Variants in SLC10A7 observed in about 807,000 individuals in gnomAD.
SLC10A7 encodes the protein sodium/bile acid cotransporter 7.
Under a neutral mutation model 43.2 loss-of-function variants are expected in SLC10A7, and 29 were observed. The observed-to-expected ratio is 0.67, with a 90% CI of 0.50 to 0.92. The LOEUF is 0.92. SLC10A7 is among the 40% of genes least tolerant of loss of function. SLC10A7 has a pLI of 0.00. For missense variants in SLC10A7, 295 were observed against 403.2 expected (o/e 0.73, Z 2.30); for synonymous variants, 152 against 144.8 (o/e 1.05, Z -0.35).
intron 10 of SLC10A7, among the ~76,000 whole-genome samples, chr4:146,277,780 C>A (rs1027787494): frequency 2.6e-5 from 4 of 151,994 alleles, no homozygotes; most frequent in Non-Finnish European, 5.9e-5. Context: ...GGAGTGCAGA[C>A]AGTGTTGCCT....
chr4:146,519,324 T>A (rs1403430330), intron 1 of SLC10A7, among the ~76,000 whole-genome samples: 1 of 144,948 alleles, frequency 6.9e-6, no homozygotes, highest in Non-Finnish European at 1.5e-5. Flanking sequence ...ATACATTATT[T>A]AACATAATAT....
chr4:146,437,007 G>C (rs192708380), intron 5 of SLC10A7, among the ~76,000 whole-genome samples: 211 of 152,160 alleles, frequency 1.4e-3, no homozygotes, highest in African/African-American at 4.7e-3. Context: ...GGAAAGCACT[G>C]CATTGAAGAC....
intron 5 of SLC10A7, among the ~76,000 whole-genome samples, chr4:146,365,096 C>T (rs963133240): frequency 1.3e-5 from 2 of 152,014 alleles, no homozygotes; most frequent in African/African-American, 4.8e-5. Context: ...TCAAAGAAAT[C>T]TGAAATTCTA....
chr4:146,273,837 C>A (rs543463351), intron 10 of SLC10A7, among the ~76,000 whole-genome samples: 5 of 152,038 alleles, frequency 3.3e-5, no homozygotes, highest in Non-Finnish European at 5.9e-5. Flanking sequence ...TCCCACTGGC[C>A]TCATCTGTTT....
chr4:146,394,149 G>A (rs773332904), intron 5 of SLC10A7, among the ~76,000 whole-genome samples: 2 of 152,078 alleles, frequency 1.3e-5, no homozygotes, highest in Non-Finnish European at 2.9e-5. Flanking sequence ...CAATATCACC[G>A]ACTCTGGGGA....
chr4:146,388,087 G>A (rs1345178565), intron 5 of SLC10A7, among the ~76,000 whole-genome samples: 1 of 152,042 alleles, frequency 6.6e-6, no homozygotes, highest in Admixed American at 6.5e-5. Context: ...AAAATTCACA[G>A]GGAACTAAAA....
At chr4:146,325,445 A>C (rs1236494667) in intron 6 of SLC10A7, among the ~76,000 whole-genome samples, 1 of 152,168 alleles carries the variant, frequency 6.6e-6, no homozygotes, top group African/African-American at 2.4e-5. Flanking sequence ...TTAATTTTTA[A>C]AGCACCTTTC....
chr4:146,471,264 T>C (rs6828042), intron 4 of SLC10A7, among the ~76,000 whole-genome samples: 78,049 of 151,926 alleles, frequency 0.51, 20,697 homozygotes, highest in East Asian at 0.75. Context: ...AATAGTTACA[T>C]ACATAGGGAC....
intron 5 of SLC10A7, among the ~76,000 whole-genome samples, chr4:146,413,496 T>C (rs1343343658): frequency 5.9e-5 from 9 of 152,176 alleles, no homozygotes; most frequent in African/African-American, 2.2e-4. Context: ...TCCTGCTTTC[T>C]ATTTTCAGTA....
chr4:146,259,037 A>T (rs923704769), intron 10 of SLC10A7, among the ~76,000 whole-genome samples, 200 bp from the exon 11 acceptor site: 1 of 152,216 alleles, frequency 6.6e-6, no homozygotes, highest in African/African-American at 2.4e-5. Context: ...TCTAACTAGG[A>T]TAAGGTGGAA....
intron 5 of SLC10A7, among the ~76,000 whole-genome samples, chr4:146,426,799 T>C (rs527856746): frequency 6.6e-6 from 1 of 151,356 alleles, no homozygotes; most frequent in South Asian, 2.1e-4. Flanking sequence ...CGCTTCAACC[T>C]GGGAGGCGGA....
intron 5 of SLC10A7, among the ~76,000 whole-genome samples, chr4:146,379,202 G>T (rs1006034546): frequency 6.6e-6 from 1 of 152,162 alleles, no homozygotes; most frequent in Non-Finnish European, 1.5e-5. Context: ...TTAGACATAT[G>T]CTGGTCCAAT....
intron 4 of SLC10A7, among the ~76,000 whole-genome samples, chr4:146,497,573 G>A (rs181232459): frequency 8.6e-4 from 131 of 151,980 alleles, no homozygotes; most frequent in African/African-American, 2.9e-3. Flanking sequence ...CACATTTTTC[G>A]GCAATGGCTT....
intron 2 of SLC10A7, chr4:146,515,201 G>C: frequency 1.4e-6 from 1 of 702,146 alleles, no homozygotes; most frequent in South Asian, 1.5e-5. Context: ...CATGGCACAA[G>C]TAACAGCTGT....
At chr4:146,366,971 T>C (rs555095847) in intron 5 of SLC10A7, among the ~76,000 whole-genome samples, 2 of 152,264 alleles carry the variant, frequency 1.3e-5, no homozygotes, top group Admixed American at 1.3e-4. Flanking sequence ...TTTTTTTTTC[T>C]TCTGCCCAAG....
chr4:146,258,335 G>A (rs1398122326), intron 11 of SLC10A7, among the ~76,000 whole-genome samples: 2 of 152,218 alleles, frequency 1.3e-5, no homozygotes, highest in Non-Finnish European at 2.9e-5. Context: ...GTAAGACATA[G>A]ATGAAAGACT....
At chr4:146,401,793 G>T (rs1036621598) in intron 5 of SLC10A7, among the ~76,000 whole-genome samples, 1 of 152,180 alleles carries the variant, frequency 6.6e-6, no homozygotes, top group Non-Finnish European at 1.5e-5. Flanking sequence ...ATGGAAAATA[G>T]TAAGTCAAAT....
At chr4:146,386,142 A>T (rs1210688211) in intron 5 of SLC10A7, among the ~76,000 whole-genome samples, 1 of 152,052 alleles carries the variant, frequency 6.6e-6, no homozygotes, top group African/African-American at 2.4e-5. Flanking sequence ...CTTAAAGTCT[A>T]TGAGAACTCT....
intron 4 of SLC10A7, among the ~76,000 whole-genome samples, chr4:146,498,654 T>G (rs575583740): frequency 6.6e-6 from 1 of 152,342 alleles, no homozygotes; most frequent in African/African-American, 2.4e-5. Context: ...AAGAAGATTG[T>G]CAGTCAGCTT....
Sources: gnomAD v4.1 joint callset for allele counts (sites outside exome capture counted in the v4.1 genomes callset) on GRCh38, gnomAD v4.1.1 for gene constraint, MANE v1.5 for transcripts, NCBI Gene and HGNC (gene_info 2026-07-23, HGNC 2026-07-21) for gene names.